REPS2: variants seen among roughly 807,000 people sequenced by gnomAD.
REPS2 encodes the protein RALBP1 associated Eps domain containing 2.
A neutral mutation model predicts 53.6 loss-of-function variants in REPS2; 23 were observed. The observed-to-expected ratio is 0.43, with a 90% CI of 0.31 to 0.61. REPS2 has a LOEUF of 0.61. Ranked by LOEUF, REPS2 falls within the 20% of genes least tolerant of loss-of-function variation. REPS2 has a pLI of 0.11. For synonymous variants in REPS2, 238 were observed against 218.6 expected, an observed-to-expected ratio of 1.09 and a Z score of -0.78; for missense variants, 446 against 534.9, an observed-to-expected ratio of 0.83 and a Z score of 1.64.
rs776482254 is a variant in REPS2, at chrX:17,147,415, G to A, written c.1917G>A (p.Glu639=). ...LNSELQQQLK[E]VHQERIALEN... ...TTCTTGTGTTTTGTACAACTCAGGAGGTTCATCAAGAACGAATTGCATTGG... is the reference window on the plus strand; with the variant it reads ...TTCTTGTGTTTTGTACAACTCAGGAAGTTCATCAAGAACGAATTGCATTGG... Residue 639 remains glutamate (E), a splice_region_variant and synonymous_variant, in exon 18 of 18, where the codon GAG becomes GAA. Coordinates refer to ENST00000357277, the MANE Select transcript of REPS2 (RefSeq NM_004726.3). 8.3e-6 allele frequency: 10 copies of A among 1,205,098 alleles called. No homozygotes were observed. In the South Asian group the frequency reaches 1.8e-4, roughly 21 times the overall value.
At chrX:17,018,286 A>G (rs1248208212) in intron 2 of REPS2, among the ~76,000 whole-genome samples, 1 of 106,120 alleles carries the variant, frequency 9.4e-6, no homozygotes, top group Admixed American at 1.0e-4. Context: ...TCCCAGGCTC[A>G]AGAGATTCTT....
chrX:16,998,120 G>A (rs942439942), intron 1 of REPS2, among the ~76,000 whole-genome samples: 1 of 111,743 alleles, frequency 8.9e-6, no homozygotes, highest in African/African-American at 3.3e-5. Context: ...GATGGCACTT[G>A]CCTGTAGTCC....
chrX:17,059,755 C>G lies in REPS2; in HGVS notation c.1115-2683C>G, dbSNP rs1208968310. 3.2e-4 allele frequency among the ~76,000 whole-genome samples: 36 copies of G among 111,405 alleles called. 1 individual carries two copies. Among genetic ancestry groups the G allele is most frequent in the Middle Eastern group, 4.6e-3 (1 of 216 alleles). On this transcript the variant is annotated intron_variant, in intron 8 of 17. Transcript: ENST00000357277. ...GTGCTGGGATTACAGGCATGAACCA[C>G]CCACCACACCTGGCCTGTTTTCTAA...
At chrX:17,045,784 C>T (rs373015082) in intron 5 of REPS2, among the ~76,000 whole-genome samples, 39 of 110,140 alleles carry the variant, frequency 3.5e-4, no homozygotes, top group African/African-American at 1.2e-3. Context: ...CCTGGCCTTC[C>T]GAAAGCACCC....
chrX:17,067,643 T>G (rs1421648373), intron 9 of REPS2, among the ~76,000 whole-genome samples: 1 of 112,306 alleles, frequency 8.9e-6, no homozygotes. Context: ...TTTAATCTGC[T>G]CATCAGTAAA....
At chrX:17,117,802 A>G (rs769349342) in intron 14 of REPS2, among the ~76,000 whole-genome samples, 2,612 of 110,006 alleles carry the variant, frequency 0.024, 92 homozygotes, top group African/African-American at 0.084. Context: ...TAATGGGATG[A>G]CTGGGTCAAC....
rs573916647 is a variant in REPS2 at position 16,986,891 on chromosome X, C to A, written c.274-19330C>A. On this transcript the variant is annotated intron_variant, in intron 1 of 17. Transcript: ENST00000357277. Reference sequence around the variant, plus strand: ...AAGTAAGGGGATGGATGATTTGGAACTGGTTAGTACCCTTATAGATTTTTT... The same window carrying A: ...AAGTAAGGGGATGGATGATTTGGAAATGGTTAGTACCCTTATAGATTTTTT... Among the ~76,000 whole-genome samples the A allele has an allele frequency of 1.4e-4, 15 of 107,256 alleles. No individual in the cohort carries two copies. In the South Asian group the frequency reaches 5.7e-3, roughly 41 times the overall value. 93.1% of individuals were successfully genotyped at this position (107,256 alleles called of 115,157 possible).
intron 11 of REPS2, among the ~76,000 whole-genome samples, chrX:17,073,642 T>A (rs995869311): frequency 1.8e-5 from 2 of 110,373 alleles, no homozygotes; most frequent in Non-Finnish European, 3.8e-5. Flanking sequence ...AGAGCTTTGT[T>A]TTTTTGTGGC....
intron 14 of REPS2, among the ~76,000 whole-genome samples, chrX:17,115,602 G>A (rs1231934998): frequency 9.0e-6 from 1 of 111,721 alleles, no homozygotes; most frequent in African/African-American, 3.3e-5. Flanking sequence ...CTCTTCCCAC[G>A]AGGCCATATT....
At chrX:16,947,701 C>T (rs1035192647) in intron 1 of REPS2, among the ~76,000 whole-genome samples, 1 of 112,166 alleles carries the variant, frequency 8.9e-6, no homozygotes. Context: ...ACCTTAATGA[C>T]AAGTTGCAGA....
chrX:17,005,176 G>GGT (rs1474382824), intron 1 of REPS2, among the ~76,000 whole-genome samples: 1 of 111,061 alleles, frequency 9.0e-6, no homozygotes, highest in African/African-American at 3.3e-5. Context: ...TTTTGAGGTA[G>GGT]GTTTCATTCA....
chrX:16,951,556 C>CAA lies in REPS2; in HGVS notation c.273+4423_273+4424insAA, dbSNP rs1569083858. Reference sequence around the variant, plus strand: ...ACACACACACACACACACACACACACACACCCCCGCTACCTACCTCTCTCT... The same window carrying CAA: ...ACACACACACACACACACACACACACAAACACCCCCGCTACCTACCTCTCTCT... On this transcript the variant is annotated intron_variant, in intron 1 of 17. Transcript: ENST00000357277. 1.3e-3 allele frequency among the ~76,000 whole-genome samples: 38 copies of CAA among 28,562 alleles called. 3 individuals are homozygous for CAA. Among genetic ancestry groups the CAA allele is most frequent in the African/African-American group, 2.9e-3 (38 of 13,030 alleles). The allele number at this position is 28,562 out of a possible 115,157, so 24.8% of individuals were successfully genotyped here.
chrX:16,998,850 T>C (rs1050955663), intron 1 of REPS2, among the ~76,000 whole-genome samples: 1 of 112,403 alleles, frequency 8.9e-6, no homozygotes, highest in Non-Finnish European at 1.9e-5. Context: ...CCTGCAAAAG[T>C]AGAAGCTCTG....
At chrX:17,169,438 G>A in the REPS2 span, among the ~76,000 whole-genome samples, 1 of 111,411 alleles carries the variant, frequency 9.0e-6, no homozygotes, top group African/African-American at 3.3e-5. Context: ...CCAGCACTCT[G>A]GGGGACCGAG....
chrX:16,977,753 A>G (rs1442295373), intron 1 of REPS2, among the ~76,000 whole-genome samples: 1 of 107,359 alleles, frequency 9.3e-6, no homozygotes, highest in Non-Finnish European at 1.9e-5. Flanking sequence ...AGATGTGATG[A>G]TTGCCTCTTT....
chrX:17,029,346 A>T (rs2061681015), intron 4 of REPS2, among the ~76,000 whole-genome samples, 180 bp from the exon 5 acceptor site: 2 of 112,377 alleles, frequency 1.8e-5, no homozygotes, highest in African/African-American at 6.5e-5. Context: ...GAATGTCTTT[A>T]GATTGTTTAG....
At chrX:16,948,912 A>G (rs2060473548) in intron 1 of REPS2, among the ~76,000 whole-genome samples, 1 of 112,200 alleles carries the variant, frequency 8.9e-6, no homozygotes, top group African/African-American at 3.2e-5. Context: ...AGCCTAGCAA[A>G]GCAAAACACA....
intron 6 of REPS2, among the ~76,000 whole-genome samples, chrX:17,051,383 G>A (rs2062001368): frequency 9.0e-6 from 1 of 111,598 alleles, no homozygotes. Flanking sequence ...CCCAGTAGTG[G>A]GATTGCTGGG....
chrX:17,065,201 G>C (rs940670186), intron 9 of REPS2, among the ~76,000 whole-genome samples: 1 of 112,182 alleles, frequency 8.9e-6, no homozygotes, highest in South Asian at 3.7e-4. Context: ...CCACCAAACT[G>C]CTTTCCAAAG....
Sources: gnomAD v4.1 joint callset for allele counts (sites outside exome capture counted in the v4.1 genomes callset) on GRCh38, gnomAD v4.1.1 for gene constraint, MANE v1.5 for transcripts, NCBI Gene and HGNC (gene_info 2026-07-23, HGNC 2026-07-21) for gene names.